Variants in NUP88 observed in about 807,000 individuals in gnomAD.
The protein encoded by NUP88 is nuclear pore complex protein Nup88.
A neutral mutation model predicts 93.9 loss-of-function variants in NUP88; 57 were observed. That is an observed-to-expected ratio of 0.61 (90% CI 0.49 to 0.76). The LOEUF (loss-of-function observed/expected upper bound fraction) is 0.76. NUP88 is among the 30% of genes least tolerant of loss of function. The pLI is 0.00. For missense variants in NUP88, 911 were observed against 901.0 expected (o/e 1.01, Z -0.14); for synonymous variants, 346 against 336.8 (o/e 1.03, Z -0.30).
rs1912524421 is a variant in NUP88, at chr17:5,392,813, A to G, written c.1383-1151T>C. ...TGGGATTTTGGGGTTTTTTTGAGAT[A>G]GGGTCTCACTCTGTTGCCGAGGCTG... On this transcript the variant is annotated intron_variant, in intron 9 of 16. Coordinates refer to ENST00000573584, the MANE Select transcript of NUP88 (RefSeq NM_002532.6). Among the ~76,000 whole-genome samples, 3 of 152,274 alleles carry G rather than the reference A, an allele frequency of 2.0e-5. No individual in the cohort carries two copies. In the South Asian group the frequency reaches 6.2e-4, roughly 32 times the overall value.
intron 8 of NUP88, among the ~76,000 whole-genome samples, chr17:5,396,222 T>C (rs1311495389): frequency 6.6e-6 from 1 of 151,968 alleles, no homozygotes; most frequent in African/African-American, 2.4e-5. Context: ...AAAAAAAAAT[T>C]GTATACCTAT....
At chr17:5,386,548 A>C in intron 16 of NUP88, 160 bp downstream of exon 16, 1 of 557,380 alleles carries the variant, frequency 1.8e-6, no homozygotes. Flanking sequence ...CTCCCACCAT[A>C]GTCATTTCTT....
chr17:5,389,105 T>G (rs1912247125), intron 10 of NUP88, 145 bp from the exon 11 acceptor site: 1 of 604,846 alleles, frequency 1.7e-6, no homozygotes, highest in Non-Finnish European at 2.7e-6. Flanking sequence ...GTTTTCCACC[T>G]TGAAAAGGTC....
chr17:5,399,059 AT>A (rs1320335551), intron 8 of NUP88, among the ~76,000 whole-genome samples: 3 of 148,348 alleles, frequency 2.0e-5, no homozygotes, highest in Non-Finnish European at 4.5e-5. Flanking sequence ...CGGAGAATTT[AT>A]TTTTGTATTT....
At chr17:5,408,994 A>C in intron 4 of NUP88, 85 bp from the exon 5 acceptor site, 10 of 1,170,916 alleles carry the variant, frequency 8.5e-6, no homozygotes, top group Non-Finnish European at 1.2e-5. Context: ...AAAACACAAA[A>C]TGTCTAATAA....
At position 5,384,938 on chromosome 17, in the gene NUP88, A is replaced by ATTAAAATTAGTGCTGTAAAT. The variant is rs1334137744; in HGVS notation, c.*1248_*1267dup. Reference sequence around the variant, plus strand: ...CCCCAAGCGAATTTGTCTTCAGATTATTAAAATTAGTGCTGTAAATCAGGG... The same window carrying ATTAAAATTAGTGCTGTAAAT: ...CCCCAAGCGAATTTGTCTTCAGATTATTAAAATTAGTGCTGTAAATTTAAAATTAGTGCTGTAAATCAGGG... On this transcript the variant is annotated 3_prime_UTR_variant, in exon 17 of 17. Transcript: ENST00000573584. The ATTAAAATTAGTGCTGTAAAT allele has an allele frequency of 4.4e-6, 1 of 225,744 alleles. No homozygotes were observed. Among genetic ancestry groups the ATTAAAATTAGTGCTGTAAAT allele is most frequent in the Non-Finnish European group, 8.8e-6 (1 of 113,560 alleles). 14.0% of individuals were successfully genotyped at this position (225,744 alleles called of 1,614,324 possible).
At chr17:5,411,655 GA>G (rs1274782894) in intron 3 of NUP88, among the ~76,000 whole-genome samples, 3 of 118,182 alleles carry the variant, frequency 2.5e-5, no homozygotes, top group African/African-American at 9.0e-5. Flanking sequence ...GTATAATACT[GA>G]ATTTTTTTAA....
rs937511363 is a variant in NUP88 at position 5,391,568 on chromosome 17, G to A, written c.1477C>T (p.Pro493Ser). ...ATATAAAATGGGACGTACAATAACG[G>A]CCATATGAGGCATTCATAGGTACTG... ...ITSTYECLIW[P>S]LLSTVHPASP... Residue 493 changes from proline to serine, a missense_variant, in exon 10 of 17, where the codon CCG (proline) becomes TCG (serine). Coordinates refer to ENST00000573584, the MANE Select transcript of NUP88 (RefSeq NM_002532.6). The A allele has an allele frequency of 6.2e-7, 1 of 1,610,058 alleles. No homozygotes were observed. Among genetic ancestry groups the A allele is most frequent in the Admixed American group, 1.7e-5 (1 of 60,004 alleles).
At chr17:5,394,758 G>A in intron 9 of NUP88, 133 bp downstream of exon 9, 3 of 645,784 alleles carry the variant, frequency 4.6e-6, no homozygotes, top group Non-Finnish European at 5.5e-6. Context: ...TCTTAGGGGA[G>A]AAGTATCACG....
intron 10 of NUP88, among the ~76,000 whole-genome samples, chr17:5,390,846 C>T (rs1912372953): frequency 2.6e-5 from 4 of 152,058 alleles, no homozygotes; most frequent in Admixed American, 1.3e-4. Flanking sequence ...AGATGTGTAC[C>T]ACCATGCCTG....
intron 16 of NUP88, 84 bp downstream of exon 16, chr17:5,386,624 G>T: frequency 1.1e-6 from 1 of 920,592 alleles, no homozygotes; most frequent in Non-Finnish European, 1.8e-6. Context: ...CAAGATTCAG[G>T]TTTCTATTAA....
rs1047012671 is a variant in NUP88 at position 5,384,895 on chromosome 17, A to G, written c.*1311T>C. 1 of 222,772 alleles carries G rather than the reference A, an allele frequency of 4.5e-6. No homozygotes were observed. Among genetic ancestry groups the G allele is most frequent in the Admixed American group, 5.7e-5 (1 of 17,432 alleles). The allele number at this position is 222,772 out of a possible 1,614,324, so 13.8% of individuals were successfully genotyped here. A position where few individuals can be genotyped will look rare whatever the true frequency, so the allele number is the denominator to read the frequency against. On this transcript the variant is annotated 3_prime_UTR_variant, in exon 17 of 17. Coordinates refer to ENST00000573584, the MANE Select transcript of NUP88 (RefSeq NM_002532.6). ...TCAATTTAAATTACGTAGGTTTAAG[A>G]CTAGTCCCTTGGATAAGCCCCAAGC...
Position 5,386,204 on chromosome 17 carries a change from T to C in NUP88, c.*2A>G. 6.2e-7 allele frequency: 1 copy of C among 1,612,136 alleles called. No homozygotes were observed. The highest frequency in any genetic ancestry group is 2.2e-5 in the East Asian group (1 of 44,832). ...TCAGGTGTGAGTCAGCTCCTGGTGG[T>C]GTCAGAAGTTTACATGATTGCGGAT... On this transcript the variant is annotated 3_prime_UTR_variant, in exon 17 of 17. Transcript: ENST00000573584.
chr17:5,418,687 C>T (rs945682209), intron 1 of NUP88, among the ~76,000 whole-genome samples: 25 of 152,138 alleles, frequency 1.6e-4, no homozygotes, highest in Admixed American at 1.6e-3. Flanking sequence ...GGACCGGGCA[C>T]ACAACAGATG....
chr17:5,394,399 T>C (rs2144771571), intron 9 of NUP88, among the ~76,000 whole-genome samples: 1 of 152,188 alleles, frequency 6.6e-6, no homozygotes, highest in East Asian at 1.9e-4. Flanking sequence ...AGAGGAGACA[T>C]GGGCAACCAC....
At chr17:5,390,097 AG>A in intron 10 of NUP88, among the ~76,000 whole-genome samples, 1 of 149,244 alleles carries the variant, frequency 6.7e-6, no homozygotes, top group African/African-American at 2.5e-5. Context: ...CCCGGGAGGC[AG>A]AGGTTGCAGT....
chr17:5,385,447 C>G lies in NUP88; in HGVS notation c.*759G>C, dbSNP rs941379195. 2 of 200,808 alleles carry G rather than the reference C, an allele frequency of 1.0e-5. No individual in the cohort carries two copies. Among genetic ancestry groups the G allele is most frequent in the African/African-American group, 5.3e-5 (2 of 37,568 alleles). 12.4% of individuals were successfully genotyped at this position (200,808 alleles called of 1,614,324 possible). A position where few individuals can be genotyped will look rare whatever the true frequency, so the allele number is the denominator to read the frequency against. On this transcript the variant is annotated 3_prime_UTR_variant, in exon 17 of 17. Transcript: ENST00000573584. ...TCATGTGGCTTTTAATTGACAGTCA[C>G]TCAGCCATTTCTAAGCAGATATAGT...
At chr17:5,401,108 G>A (rs1266764463) in intron 7 of NUP88, among the ~76,000 whole-genome samples, 2 of 151,976 alleles carry the variant, frequency 1.3e-5, no homozygotes, top group African/African-American at 2.4e-5. Flanking sequence ...TATTGGCCGG[G>A]TGTGGTGGCT....
intron 1 of NUP88, among the ~76,000 whole-genome samples, chr17:5,417,089 G>C (rs1239010236): frequency 1.3e-5 from 2 of 152,016 alleles, no homozygotes; most frequent in Non-Finnish European, 2.9e-5. Context: ...CCTCCACCTT[G>C]GCCTCCTAAA....
Sources: allele counts gnomAD v4.1 joint callset (sites outside exome capture counted in the v4.1 genomes callset), GRCh38; gene constraint gnomAD v4.1.1; transcripts MANE v1.5; gene names NCBI Gene and HGNC (gene_info 2026-07-23, HGNC 2026-07-21).